The following USP31 variants were observed in gnomAD, a reference collection of about 807,000 sequenced individuals.
USP31 encodes the protein ubiquitin specific peptidase 31, also known as ubiquitin carboxyl-terminal hydrolase 31.
In USP31, 44 loss-of-function variants were observed where a neutral mutation model predicts 119.4. The ratio of observed to expected loss-of-function variants is 0.37; its 90% CI spans 0.29 to 0.47. The LOEUF is 0.47. Ranked by LOEUF, USP31 falls within the 20% of genes least tolerant of loss-of-function variation. The pLI is 0.99. For synonymous variants in USP31, 749 were observed against 705.6 expected (o/e 1.06, Z -0.97); for missense variants, 1,643 against 1,730.2 (o/e 0.95, Z 0.89).
chr16:23,079,761 G>A, intron 13 of USP31, 185 bp downstream of exon 13: 1 of 554,182 alleles, frequency 1.8e-6, no homozygotes. Flanking sequence ...CCCAACTCAG[G>A]AAAAGGAGGA....
chr16:23,118,948 G>A (rs1162543861), intron 1 of USP31, among the ~76,000 whole-genome samples: 1 of 151,542 alleles, frequency 6.6e-6, no homozygotes, highest in African/African-American at 2.4e-5. Flanking sequence ...ACTCCAGCCT[G>A]GGTGACACTG....
chr16:23,115,766 G>T (rs1902467230), intron 1 of USP31: 1 of 984,380 alleles, frequency 1.0e-6, no homozygotes, highest in Admixed American at 6.2e-5. Context: ...ACACTTACCG[G>T]GTTTTCAAGT....
intron 12 of USP31, among the ~76,000 whole-genome samples, chr16:23,081,329 G>A (rs886037): frequency 0.27 from 41,608 of 152,120 alleles, 6,131 homozygotes; most frequent in Admixed American, 0.35. Context: ...AGATCCCAAC[G>A]GAATACACAG....
intron 1 of USP31, among the ~76,000 whole-genome samples, chr16:23,140,821 C>G (rs1297811772): frequency 6.6e-6 from 1 of 152,190 alleles, no homozygotes; most frequent in African/African-American, 2.4e-5. Context: ...CTCAGGAAAA[C>G]AGGTGGGAGT....
intron 6 of USP31, among the ~76,000 whole-genome samples, chr16:23,095,104 G>T (rs1305385524): frequency 3.9e-5 from 6 of 152,156 alleles, no homozygotes; most frequent in Admixed American, 3.9e-4. Context: ...TTGAAAAAAA[G>T]GTTAGACAAA....
chr16:23,076,903 A>T (rs1900600322), intron 13 of USP31, among the ~76,000 whole-genome samples: 1 of 152,228 alleles, frequency 6.6e-6, no homozygotes, highest in South Asian at 2.1e-4. Flanking sequence ...CTACCAGTCC[A>T]CAAGTATAGA....
At chr16:23,146,443 G>A (rs1903508440) in intron 1 of USP31, among the ~76,000 whole-genome samples, 1 of 152,124 alleles carries the variant, frequency 6.6e-6, no homozygotes, top group African/African-American at 2.4e-5. Flanking sequence ...AGAATTGCTT[G>A]ATTGAACACA....
At chr16:23,104,832 C>G (rs770730552) in intron 5 of USP31, among the ~76,000 whole-genome samples, 3 of 152,150 alleles carry the variant, frequency 2.0e-5, no homozygotes, top group African/African-American at 4.8e-5. Flanking sequence ...AAAAACATGT[C>G]AAGTCCAAAC....
chr16:23,084,745 T>C lies in USP31; in HGVS notation c.1830+115A>G, dbSNP rs911193956. ...TGCTCATTACATGTGCAGACTTACA[T>C]ATATGCAAAATCCTGCGGCGACTTC... is the stretch of plus-strand genomic sequence containing the variant. On this transcript the variant is annotated intron_variant, in intron 11 of 15. Coordinates refer to ENST00000219689, the MANE Select transcript of USP31 (RefSeq NM_020718.4). The C allele has an allele frequency of 4.3e-6, 6 of 1,405,674 alleles. No individual in the cohort carries two copies. In the African/African-American group the frequency reaches 5.7e-5, roughly 13 times the overall value. 87.1% of individuals were successfully genotyped at this position (1,405,674 alleles called of 1,614,324 possible).
chr16:23,148,795 C>A lies in USP31; in HGVS notation c.476G>T (p.Gly159Val). 6.5e-7 allele frequency: 1 copy of A among 1,538,200 alleles called. No homozygotes were observed. The highest frequency in any genetic ancestry group is 1.2e-5 in the South Asian group (1 of 81,782). Residue 159 changes from glycine (G) to valine (V), a missense_variant, in exon 1 of 16, where the codon GGC becomes GTC. By Grantham distance (109) the Gly-to-Val change is moderately radical. Transcript: ENST00000219689. ...CTCGGGCCGCCCCGCCCGGTACTGG[C>A]CCAGCGCCAGGTACTCGGCGAAGAG... ...TELFAEYLAL[G>V]QYRAGRPEPS...
intron 15 of USP31, among the ~76,000 whole-genome samples, 200 bp from the exon 16 acceptor site, chr16:23,069,816 A>G (rs1340171748): frequency 6.6e-6 from 1 of 152,160 alleles, no homozygotes; most frequent in Admixed American, 6.5e-5. Flanking sequence ...TAAAATAGGG[A>G]CATTCTAACT....
intron 1 of USP31, among the ~76,000 whole-genome samples, chr16:23,145,046 T>C (rs932847894): frequency 7.2e-5 from 11 of 152,102 alleles, no homozygotes; most frequent in Admixed American, 2.0e-4. Context: ...GCACCCCCAC[T>C]GCTCTCTATG....
chr16:23,087,308 A>AT, intron 8 of USP31, 122 bp from the exon 9 acceptor site: 2 of 776,220 alleles, frequency 2.6e-6, no homozygotes, highest in Non-Finnish European at 4.1e-6. Context: ...ATGCTTCACT[A>AT]TAAGATTCTA....
At chr16:23,134,956 A>C (rs895723695) in intron 1 of USP31, among the ~76,000 whole-genome samples, 1 of 151,910 alleles carries the variant, frequency 6.6e-6, no homozygotes, top group Non-Finnish European at 1.5e-5. Context: ...AAAATCAAAA[A>C]CAGTCTTCAA....
chr16:23,128,065 A>G (rs1191666439), intron 1 of USP31, among the ~76,000 whole-genome samples: 1 of 152,200 alleles, frequency 6.6e-6, no homozygotes, highest in Non-Finnish European at 1.5e-5. Flanking sequence ...CAAGCCACAG[A>G]TACAAGACCA....
At chr16:23,105,295 C>T (rs1902049438) in intron 5 of USP31, 146 bp downstream of exon 5, 8 of 956,364 alleles carry the variant, frequency 8.4e-6, no homozygotes, top group Non-Finnish European at 1.2e-5. Flanking sequence ...GTCTTTGGGG[C>T]CTTGATTTTT....
intron 6 of USP31, 94 bp from the exon 7 acceptor site, chr16:23,090,898 T>TA: frequency 8.4e-7 from 1 of 1,191,588 alleles, no homozygotes; most frequent in Non-Finnish European, 1.1e-6. Context: ...AAATTTTTTT[T>TA]AAAAATGTCA....
chr16:23,071,951 C>A, intron 15 of USP31, 94 bp downstream of exon 15: 9 of 1,497,876 alleles, frequency 6.0e-6, no homozygotes, highest in Non-Finnish European at 8.1e-6. Flanking sequence ...CTCCTACCAT[C>A]TCCTTGGGAC....
chr16:23,105,694 T>A, intron 4 of USP31, 118 bp from the exon 5 acceptor site: 1 of 1,189,046 alleles, frequency 8.4e-7, no homozygotes, highest in Non-Finnish European at 1.1e-6. Context: ...ACACTGTTAC[T>A]CGGAAGCCCA....
Sources: gnomAD v4.1 joint callset for allele counts (sites outside exome capture counted in the v4.1 genomes callset) on GRCh38, gnomAD v4.1.1 for gene constraint, MANE v1.5 for transcripts, NCBI Gene and HGNC (gene_info 2026-07-23, HGNC 2026-07-21) for gene names.